The following WDFY2 variants were observed in gnomAD, a reference collection of about 807,000 sequenced individuals.
The protein encoded by WDFY2 is WD repeat and FYVE domain-containing protein 2.
WDFY2 carries 36 observed loss-of-function variants against 56.4 expected under a neutral mutation model. The ratio of observed to expected loss-of-function variants is 0.64; its 90% CI spans 0.49 to 0.84. WDFY2 has a LOEUF of 0.84. Ranked by LOEUF, WDFY2 falls within the 40% of genes least tolerant of loss-of-function variation. The pLI is 0.00. For synonymous variants in WDFY2, 176 were observed against 183.7 expected (o/e 0.96, Z 0.34); for missense variants, 444 against 512.2 (o/e 0.87, Z 1.29).
intron 1 of WDFY2, among the ~76,000 whole-genome samples, chr13:51,645,672 T>C (rs2138413991): frequency 6.6e-6 from 1 of 152,328 alleles, no homozygotes; most frequent in Admixed American, 6.5e-5. Flanking sequence ...ATTTTGTGTC[T>C]GTAAAGTAAA....
At chr13:51,720,798 C>T (rs771259756) in intron 5 of WDFY2, among the ~76,000 whole-genome samples, 6 of 152,146 alleles carry the variant, frequency 3.9e-5, no homozygotes, top group Non-Finnish European at 8.8e-5. Flanking sequence ...TGTGTCCTCA[C>T]ATGGTGAAAG....
chr13:51,638,494 A>G (rs373693853), intron 1 of WDFY2, among the ~76,000 whole-genome samples: 168 of 152,054 alleles, frequency 1.1e-3, no homozygotes, highest in South Asian at 3.9e-3. Context: ...ATTTCTTAAA[A>G]CTCTTAGATG....
At chr13:51,594,702 T>C (rs1470572510) in intron 1 of WDFY2, among the ~76,000 whole-genome samples, 1 of 152,242 alleles carries the variant, frequency 6.6e-6, no homozygotes, top group Admixed American at 6.5e-5. Context: ...ATTGGCTCTT[T>C]CCAAAGCCTT....
chr13:51,767,075 A>AAAT lies in WDFY2; in HGVS notation c.*7307_*7309dup, dbSNP rs1953773222. On this transcript the variant is annotated 3_prime_UTR_variant, in exon 12 of 12. Coordinates refer to ENST00000298125, the MANE Select transcript of WDFY2 (RefSeq NM_052950.4). ...CTTAGTAAACTTTTCCAGTGAGGAGAAATGACTTCGGGGCAAACACTGCCA... is the reference window on the plus strand; with the variant it reads ...CTTAGTAAACTTTTCCAGTGAGGAGAAATAATGACTTCGGGGCAAACACTGCCA... The AAAT allele has an allele frequency of 6.6e-6, 1 of 152,172 alleles. No homozygotes were observed. Among genetic ancestry groups the AAAT allele is most frequent in the Non-Finnish European group, 1.5e-5 (1 of 68,044 alleles). The allele number at this position is 152,172 out of a possible 1,614,324, so 9.4% of individuals were successfully genotyped here.
At chr13:51,615,528 TTTGA>T (rs1954594765) in intron 1 of WDFY2, among the ~76,000 whole-genome samples, 1 of 152,212 alleles carries the variant, frequency 6.6e-6, no homozygotes, top group East Asian at 1.9e-4. Context: ...ATACACACCC[TTTGA>T]TTGTTTAACA....
intron 5 of WDFY2, among the ~76,000 whole-genome samples, chr13:51,724,841 A>G (rs1037789126): frequency 6.6e-6 from 1 of 152,222 alleles, no homozygotes; most frequent in African/African-American, 2.4e-5. Context: ...TCACTGCTCT[A>G]AATAGCCTCT....
At chr13:51,627,500 C>G (rs544560921) in intron 1 of WDFY2, among the ~76,000 whole-genome samples, 2 of 152,098 alleles carry the variant, frequency 1.3e-5, no homozygotes, top group East Asian at 3.9e-4. Context: ...TCCCAAGTAG[C>G]TGGGATTATG....
intron 3 of WDFY2, among the ~76,000 whole-genome samples, chr13:51,681,307 T>A (rs1955972839): frequency 6.6e-6 from 1 of 152,206 alleles, no homozygotes; most frequent in African/African-American, 2.4e-5. Flanking sequence ...GGAGAATTGA[T>A]GTTGCTTCTG....
chr13:51,624,255 C>G (rs952859230), intron 1 of WDFY2, among the ~76,000 whole-genome samples: 1 of 152,166 alleles, frequency 6.6e-6, no homozygotes, highest in African/African-American at 2.4e-5. Context: ...CAGGTCTTAA[C>G]TGATTATTTA....
intron 1 of WDFY2, among the ~76,000 whole-genome samples, chr13:51,654,545 C>T (rs1227928622): frequency 6.6e-6 from 1 of 152,152 alleles, no homozygotes; most frequent in Non-Finnish European, 1.5e-5. Context: ...ATCTTGGCTC[C>T]ACCCAGACTT....
intron 8 of WDFY2, among the ~76,000 whole-genome samples, chr13:51,753,777 G>T (rs1257669661): frequency 6.6e-6 from 1 of 151,832 alleles, no homozygotes; most frequent in Non-Finnish European, 1.5e-5. Flanking sequence ...GTGTGTCTGT[G>T]TGTGTGTTTT....
At chr13:51,593,814 A>G (rs1954095842) in intron 1 of WDFY2, 1 of 152,184 alleles carries the variant, frequency 6.6e-6, no homozygotes, top group Non-Finnish European at 1.5e-5. Flanking sequence ...CCTGTTATAT[A>G]TCCAGATATA....
At chr13:51,635,053 C>T (rs1347315871) in intron 1 of WDFY2, among the ~76,000 whole-genome samples, 2 of 152,166 alleles carry the variant, frequency 1.3e-5, no homozygotes, top group African/African-American at 4.8e-5. Flanking sequence ...ATTCTCCTGC[C>T]TCAGCCTCCC....
At chr13:51,627,974 C>T (rs1331146677) in intron 1 of WDFY2, among the ~76,000 whole-genome samples, 1 of 152,112 alleles carries the variant, frequency 6.6e-6, no homozygotes, top group African/African-American at 2.4e-5. Flanking sequence ...CTGATTGGTT[C>T]GTGGGCAGCC....
At chr13:51,737,877 G>C (rs538732264) in intron 6 of WDFY2, among the ~76,000 whole-genome samples, 2 of 152,192 alleles carry the variant, frequency 1.3e-5, no homozygotes, top group Non-Finnish European at 2.9e-5. Context: ...ACATGAGCAG[G>C]AGTGTATACC....
At chr13:51,653,392 T>C (rs1955442986) in intron 1 of WDFY2, among the ~76,000 whole-genome samples, 2 of 152,222 alleles carry the variant, frequency 1.3e-5, no homozygotes, top group Admixed American at 1.3e-4. Flanking sequence ...TCTGAAGCCT[T>C]CTCTCAACTC....
chr13:51,594,883 C>G (rs1191650765), intron 1 of WDFY2, among the ~76,000 whole-genome samples: 1 of 152,166 alleles, frequency 6.6e-6, no homozygotes, highest in African/African-American at 2.4e-5. Flanking sequence ...TTTATAACAC[C>G]AGCACACCTC....
At chr13:51,694,929 A>T (rs972391678) in intron 3 of WDFY2, among the ~76,000 whole-genome samples, 5 of 151,898 alleles carry the variant, frequency 3.3e-5, no homozygotes, top group African/African-American at 1.2e-4. Context: ...CATTTCATTC[A>T]TTTGATCTTC....
chr13:51,709,750 C>A (rs1172600713), intron 4 of WDFY2, among the ~76,000 whole-genome samples: 1 of 152,136 alleles, frequency 6.6e-6, no homozygotes, highest in Non-Finnish European at 1.5e-5. Flanking sequence ...AGTTGAATCC[C>A]TGAATAGACC....
Sources: allele counts gnomAD v4.1 joint callset (sites outside exome capture counted in the v4.1 genomes callset), GRCh38; gene constraint gnomAD v4.1.1; transcripts MANE v1.5; gene names NCBI Gene and HGNC (gene_info 2026-07-23, HGNC 2026-07-21).